Variants in CMYA5 observed in about 807,000 individuals in gnomAD.
CMYA5 encodes cardiomyopathy associated 5.
A neutral mutation model predicts 318.9 loss-of-function variants in CMYA5; 246 were observed. The ratio of observed to expected loss-of-function variants is 0.77; its 90% CI spans 0.70 to 0.86. The LOEUF (loss-of-function observed/expected upper bound fraction) is 0.86, where lower values mean the gene tolerates loss of function less well. Ranked by LOEUF, CMYA5 falls within the 40% of genes least tolerant of loss-of-function variation. The probability of loss-of-function intolerance (pLI) is 0.00; values close to 1 mark genes in which losing one functional copy is unlikely to be tolerated. For missense variants in CMYA5, 4,589 were observed against 4,678.2 expected, an observed-to-expected ratio of 0.98 and a Z score of 0.56; for synonymous variants, 1,641 against 1,729.5, an observed-to-expected ratio of 0.95 and a Z score of 1.27.
At chr5:79,714,349 G>A (rs999266195) in intron 1 of CMYA5, among the ~76,000 whole-genome samples, 6 of 150,540 alleles carry the variant, frequency 4.0e-5, no homozygotes, top group East Asian at 3.9e-4. Flanking sequence ...TCTCACACAC[G>A]TATTCAAACA....
At chr5:79,764,419 T>C (rs190945088) in intron 9 of CMYA5, among the ~76,000 whole-genome samples, 1 of 152,360 alleles carries the variant, frequency 6.6e-6, no homozygotes, top group Admixed American at 6.5e-5. Flanking sequence ...TGGTTCCAAA[T>C]CTTTGCTATT....
chr5:79,778,914 T>A (rs1206700783), intron 9 of CMYA5, among the ~76,000 whole-genome samples: 109 of 85,278 alleles, frequency 1.3e-3, no homozygotes, highest in African/African-American at 2.4e-3. Flanking sequence ...TTTTTTTTAA[T>A]TTTTTTTTTT....
intron 1 of CMYA5, among the ~76,000 whole-genome samples, chr5:79,724,410 A>T (rs1827706747): frequency 6.6e-6 from 1 of 152,240 alleles, no homozygotes; most frequent in Admixed American, 6.5e-5. Flanking sequence ...AACTTCCTTC[A>T]TCAGATGAGG....
chr5:79,739,789 C>T (rs751372001), intron 2 of CMYA5, among the ~76,000 whole-genome samples: 1 of 151,912 alleles, frequency 6.6e-6, no homozygotes, highest in Non-Finnish European at 1.5e-5. Context: ...TTGAGACCAG[C>T]CTGGGCAACA....
rs1317959879 is a variant in CMYA5 at position 79,720,688 on chromosome 5, G to A, written c.150-8227G>A. ...TGACCTCAAGTGATCTGCTGGCCTC[G>A]GCCTCCCAAAGTGCTGGGATTACAG... On this transcript the variant is annotated intron_variant, in intron 1 of 12. Transcript: ENST00000446378. 4.0e-5 allele frequency among the ~76,000 whole-genome samples: 6 copies of A among 151,872 alleles called. No homozygotes were observed. In the South Asian group the frequency reaches 6.2e-4, roughly 16 times the overall value.
intron 8 of CMYA5, 134 bp from the exon 9 acceptor site, chr5:79,762,928 T>C: frequency 2.9e-6 from 3 of 1,052,454 alleles, no homozygotes; most frequent in Non-Finnish European, 4.0e-6. Context: ...TTTTGGGTTT[T>C]TAACACAGAA....
At position 79,732,906 on chromosome 5, in the gene CMYA5, A is replaced by C; in HGVS notation, c.4141A>C (p.Thr1381Pro). The C allele has an allele frequency of 6.2e-7, 1 of 1,613,710 alleles. No homozygotes were observed. The highest frequency in any genetic ancestry group is 8.5e-7 in the Non-Finnish European group (1 of 1,179,802). ...EEIPTDSSLITPVDRPVLTKV... is the reference protein window; with the variant it reads ...EEIPTDSSLIPPVDRPVLTKV... ...AATCCCAACAGATTCATCTCTTATCACTCCTGTAGATCGTCCAGTCTTAAC... is the reference window on the plus strand; with the variant it reads ...AATCCCAACAGATTCATCTCTTATCCCTCCTGTAGATCGTCCAGTCTTAAC... Residue 1381 changes from threonine to proline, a missense_variant, in exon 2 of 13, where the codon ACT becomes CCT. Physicochemically the swap from Thr to Pro is conservative, Grantham distance 38 (BLOSUM62 -1). Coordinates refer to ENST00000446378, the MANE Select transcript of CMYA5 (RefSeq NM_153610.5).
chr5:79,763,991 A>C (rs904300841), intron 9 of CMYA5, among the ~76,000 whole-genome samples: 1 of 152,072 alleles, frequency 6.6e-6, no homozygotes, highest in African/African-American at 2.4e-5. Flanking sequence ...TAATGGTATG[A>C]AACTAGACAG....
Position 79,737,730 on chromosome 5 carries a change from A to G in CMYA5, c.8965A>G (p.Ile2989Val), listed in dbSNP as rs755693784. ...YLEEKASFKTIPLPDDSETVA... is the reference protein window; with the variant it reads ...YLEEKASFKTVPLPDDSETVA... ...GGAAGAGAAAGCCTCATTTAAAACCATACCACTCCCTGATGATAGTGAAAC... is the reference window on the plus strand; with the variant it reads ...GGAAGAGAAAGCCTCATTTAAAACCGTACCACTCCCTGATGATAGTGAAAC... Residue 2989 changes from isoleucine (I) to valine (V), a missense_variant, in exon 2 of 13, where the codon ATA becomes GTA. Physicochemically the swap from Ile to Val is conservative, Grantham distance 29. This residue lies in a region of CMYA5 where 2,431 missense variants were observed against 2,495.1 expected (regional missense o/e 0.97). Transcript: ENST00000446378. 3.1e-6 allele frequency: 5 copies of G among 1,612,082 alleles called. No homozygotes were observed. Among genetic ancestry groups the G allele is most frequent in the Admixed American group, 1.7e-5 (1 of 59,692 alleles).
At chr5:79,785,816 A>G (rs12655453) in intron 9 of CMYA5, among the ~76,000 whole-genome samples, 7,436 of 152,156 alleles carry the variant, frequency 0.049, 521 homozygotes, top group East Asian at 0.26. Context: ...TATGACCCCA[A>G]TTATTTTTTA....
rs1408766432 is a variant in CMYA5, at chr5:79,734,280, G to A, written c.5515G>A (p.Val1839Ile). ...AGATCAAACTGTTAAATTACCTGAT[G>A]TAAGCACCTCTTCTGAAGATAAACA... ...HSDQTVKLPD[V>I]STSSEDKQDL... Residue 1839 changes from valine to isoleucine, a missense_variant, in exon 2 of 13, where the codon GTA becomes ATA. By Grantham distance (29) the Val-to-Ile change is conservative. Around this residue, in one of 3 missense-constraint regions of CMYA5, gnomAD observed 2,132 missense variants for 2,131.3 expected, o/e 1.00. Transcript: ENST00000446378. 1.9e-6 allele frequency: 3 copies of A among 1,613,482 alleles called. No homozygotes were observed. Among genetic ancestry groups the A allele is most frequent in the South Asian group, 2.2e-5 (2 of 91,018 alleles).
chr5:79,707,418 G>A (rs1422777308), intron 1 of CMYA5, among the ~76,000 whole-genome samples: 1 of 152,130 alleles, frequency 6.6e-6, no homozygotes. Flanking sequence ...ATGAATCAAT[G>A]AATTCAATGA....
At chr5:79,786,216 C>T (rs969702287) in intron 9 of CMYA5, among the ~76,000 whole-genome samples, 6 of 152,228 alleles carry the variant, frequency 3.9e-5, no homozygotes, top group Non-Finnish European at 7.3e-5. Context: ...CAGCAATCGA[C>T]TTCATGGCTG....
Position 79,735,419 on chromosome 5 carries a change from T to A in CMYA5, c.6654T>A (p.Asp2218Glu), listed in dbSNP as rs779506283. 6.2e-6 allele frequency: 10 copies of A among 1,613,764 alleles called. No homozygotes were observed. The highest frequency in any genetic ancestry group is 1.7e-5 in the Admixed American group (1 of 59,998). The part of the protein sequence containing the change: ...PSVEKAVTVI[D>E]PEGTIPTNFN... The stretch of plus-strand genomic sequence containing the variant: ...TAGAAAAAGCAGTGACTGTGATAGA[T>A]CCTGAAGGTACAATTCCCACCAATT... The change falls in exon 2 of 13, where the codon GAT (aspartate) becomes GAA (glutamate). Residue 2218 changes from aspartate to glutamate, a missense_variant. Asp to Glu is a conservative substitution (Grantham distance 45). Coordinates refer to ENST00000446378, the MANE Select transcript of CMYA5 (RefSeq NM_153610.5).
At chr5:79,766,693 T>C (rs1248477299) in intron 9 of CMYA5, among the ~76,000 whole-genome samples, 5 of 152,254 alleles carry the variant, frequency 3.3e-5, no homozygotes. Flanking sequence ...GATGTGCTGC[T>C]GGATTTGGTT....
intron 5 of CMYA5, among the ~76,000 whole-genome samples, chr5:79,747,396 C>T (rs1828349365): frequency 6.6e-6 from 1 of 152,236 alleles, no homozygotes; most frequent in South Asian, 2.1e-4. Context: ...TTTCCTGTCA[C>T]TGCATATAGA....
At chr5:79,704,904 C>A (rs1463719235) in intron 1 of CMYA5, among the ~76,000 whole-genome samples, 1 of 152,210 alleles carries the variant, frequency 6.6e-6, no homozygotes, top group Non-Finnish European at 1.5e-5. Context: ...CTCTATTTAA[C>A]CTAGCCTGAA....
Position 79,731,502 on chromosome 5 carries a change from G to T in CMYA5, c.2737G>T (p.Ala913Ser). Residue 913 changes from alanine (A) to serine (S), a missense_variant, in exon 2 of 13, where the codon GCA becomes TCA. Around this residue, in one of 3 missense-constraint regions of CMYA5, gnomAD observed 2,132 missense variants for 2,131.3 expected, o/e 1.00. Coordinates refer to ENST00000446378, the MANE Select transcript of CMYA5 (RefSeq NM_153610.5). ...AGTACCACCATATGCAACACCGGAG[G>T]CACAGGAGGAAGAAATTGTCCATAG... ...FSVPPYATPE[A>S]QEEEIVHRSL... The T allele has an allele frequency of 1.2e-6, 2 of 1,604,326 alleles. No individual in the cohort carries two copies. The highest frequency in any genetic ancestry group is 1.7e-6 in the Non-Finnish European group (2 of 1,175,228).
chr5:79,733,937 G>A lies in CMYA5; in HGVS notation c.5172G>A (p.Glu1724=). The change falls in exon 2 of 13, where the codon GAG becomes GAA. Residue 1724 remains glutamate (E), a synonymous_variant. Coordinates refer to ENST00000446378, the MANE Select transcript of CMYA5 (RefSeq NM_153610.5). ...TCTCTCCCAAGATCATCAGCCTAGAGTCGAAAGAACCACCTGCCTCTGTAG... is the reference window on the plus strand; with the variant it reads ...TCTCTCCCAAGATCATCAGCCTAGAATCGAAAGAACCACCTGCCTCTGTAG... ...KPFSPKIISL[E]SKEPPASVAE... 1.2e-6 allele frequency: 2 copies of A among 1,613,450 alleles called. No homozygotes were observed. The highest frequency in any genetic ancestry group is 1.7e-6 in the Non-Finnish European group (2 of 1,179,812).
Sources: allele counts gnomAD v4.1 joint callset (sites outside exome capture counted in the v4.1 genomes callset), GRCh38; gene constraint gnomAD v4.1.1; regional missense constraint gnomAD v4.1.1; transcripts MANE v1.5; gene names NCBI Gene and HGNC (gene_info 2026-07-23, HGNC 2026-07-21).